The following SORCS3 variants were observed in gnomAD, a reference collection of about 807,000 sequenced individuals.
SORCS3 encodes the protein sortilin related VPS10 domain containing receptor 3, also known as VPS10 domain-containing receptor SorCS3.
A neutral mutation model predicts 146.3 loss-of-function variants in SORCS3; 57 were observed. The ratio of observed to expected loss-of-function variants is 0.39; its 90% CI spans 0.31 to 0.49. The LOEUF is 0.49. Ranked by LOEUF, SORCS3 falls within the 20% of genes least tolerant of loss-of-function variation. SORCS3 has a pLI of 0.92. For missense variants in SORCS3, 1,341 were observed against 1,575.5 expected, an observed-to-expected ratio of 0.85 and a Z score of 2.52; for synonymous variants, 653 against 618.5, an observed-to-expected ratio of 1.06 and a Z score of -0.83.
chr10:105,009,523 CAAACAAAAAAA>C (rs768812603), intron 4 of SORCS3, among the ~76,000 whole-genome samples: 15 of 48,998 alleles, frequency 3.1e-4, no homozygotes, highest in African/African-American at 8.8e-4. Context: ...AACAAACAAA[CAAACAAAAAAA>C]AAAAAAAAAA....
rs2056140566 is a variant in SORCS3, at chr10:105,147,635, A to G, written c.1321A>G (p.Thr441Ala). The change falls in exon 9 of 27, where the codon ACA becomes GCA. Residue 441 changes from threonine to alanine, a missense_variant. Thr to Ala is a moderately conservative substitution (Grantham distance 58). Transcript: ENST00000369701. ...SLPKDMHIIS[T>A]DENQVFAAVQ... ...CTTTCAGGACATGCACATCATCAGT[A>G]CAGACGAGAACCAAGTATTTGCTGC... The G allele has an allele frequency of 6.2e-7, 1 of 1,612,548 alleles. No homozygotes were observed. Among genetic ancestry groups the G allele is most frequent in the Non-Finnish European group, 8.5e-7 (1 of 1,178,962 alleles).
chr10:104,643,707 A>AGGGG (rs374440023), intron 1 of SORCS3, among the ~76,000 whole-genome samples: 3 of 119,396 alleles, frequency 2.5e-5, no homozygotes, highest in South Asian at 2.6e-4. Context: ...TTTGATAATT[A>AGGGG]GGGTGTGTGT....
At chr10:104,724,875 G>A (rs569451081) in intron 1 of SORCS3, among the ~76,000 whole-genome samples, 15 of 152,042 alleles carry the variant, frequency 9.9e-5, no homozygotes, top group African/African-American at 1.7e-4. Flanking sequence ...TTAGCCATTC[G>A]TCTAATTTTT....
chr10:104,684,566 C>T (rs1190471119), intron 1 of SORCS3, among the ~76,000 whole-genome samples: 2 of 152,138 alleles, frequency 1.3e-5, no homozygotes, highest in African/African-American at 4.8e-5. Flanking sequence ...GTTTGTGGCT[C>T]CTCAGTGGAC....
chr10:105,146,781 T>C (rs2056134066), intron 8 of SORCS3, among the ~76,000 whole-genome samples: 1 of 152,118 alleles, frequency 6.6e-6, no homozygotes, highest in Non-Finnish European at 1.5e-5. Flanking sequence ...GGAATAATCA[T>C]ACCACCTCCC....
chr10:105,010,298 G>T (rs1242261297), intron 4 of SORCS3, among the ~76,000 whole-genome samples: 2 of 152,170 alleles, frequency 1.3e-5, no homozygotes, highest in African/African-American at 4.8e-5. Flanking sequence ...TACTACTTTT[G>T]CAAACCCTCT....
intron 16 of SORCS3, among the ~76,000 whole-genome samples, chr10:105,210,893 C>G (rs935892825): frequency 6.6e-6 from 1 of 152,140 alleles, no homozygotes; most frequent in African/African-American, 2.4e-5. Context: ...CTTTTTAAAC[C>G]TAGAATTTCT....
chr10:104,825,302 C>A (rs1428515376), intron 1 of SORCS3, among the ~76,000 whole-genome samples: 6 of 152,196 alleles, frequency 3.9e-5, no homozygotes, highest in Admixed American at 6.5e-5. Flanking sequence ...AGGGCGTGAT[C>A]TTGGCTAACT....
At chr10:104,923,866 A>AT (rs2019112306) in intron 3 of SORCS3, among the ~76,000 whole-genome samples, 2 of 152,236 alleles carry the variant, frequency 1.3e-5, no homozygotes, top group Admixed American at 1.3e-4. Flanking sequence ...ACAAGTGTCT[A>AT]TGATAATAAT....
At chr10:105,042,925 A>T in intron 4 of SORCS3, 130 bp from the exon 5 acceptor site, 1 of 731,492 alleles carries the variant, frequency 1.4e-6, no homozygotes, top group Non-Finnish European at 2.4e-6. Context: ...CTACCTTTTT[A>T]TCTGGATAAA....
intron 4 of SORCS3, among the ~76,000 whole-genome samples, chr10:105,037,615 T>C (rs79633622): frequency 0.062 from 9,375 of 152,210 alleles, 860 homozygotes; most frequent in African/African-American, 0.2. Context: ...GGATTCCCTG[T>C]CTGCCTGTCT....
intron 1 of SORCS3, among the ~76,000 whole-genome samples, chr10:104,666,940 G>T (rs1431587104): frequency 6.6e-6 from 1 of 152,106 alleles, no homozygotes; most frequent in African/African-American, 2.4e-5. Flanking sequence ...TGGCAGAGCT[G>T]AAAATTATTA....
At chr10:104,909,722 G>A (rs1256807580) in intron 2 of SORCS3, among the ~76,000 whole-genome samples, 1 of 152,052 alleles carries the variant, frequency 6.6e-6, no homozygotes, top group Non-Finnish European at 1.5e-5. Context: ...TTAGGACAGG[G>A]AGGTTGAGCT....
chr10:104,745,098 A>G (rs2016891614), intron 1 of SORCS3, among the ~76,000 whole-genome samples: 2 of 152,224 alleles, frequency 1.3e-5, no homozygotes, highest in Admixed American at 1.3e-4. Context: ...TTGAGGAGCG[A>G]TGTTCCATTT....
At chr10:104,940,232 ATATATATTTTTTTTTTT>A (rs1382081905) in intron 3 of SORCS3, among the ~76,000 whole-genome samples, 3 of 22,448 alleles carry the variant, frequency 1.3e-4, no homozygotes, top group Admixed American at 1.0e-3. Context: ...ATATATATAT[ATATATATTTTTTTTTTT>A]TTTTTTATTA....
In SORCS3 at chr10:104,696,566, C is replaced by A. The variant is rs1427359878; in HGVS notation, c.627+54612C>A. Among the ~76,000 whole-genome samples, 4 of 9,140 alleles carry A rather than the reference C, an allele frequency of 4.4e-4. 1 individual carries two copies. Among genetic ancestry groups the A allele is most frequent in the East Asian group, 6.3e-3 (1 of 158 alleles). The allele number at this position is 9,140 out of a possible 152,430, so 6.0% of individuals were successfully genotyped here. A position where few individuals can be genotyped will look rare whatever the true frequency, so the allele number is the denominator to read the frequency against. ...TATATAATATAGAATATATAATATA[C>A]GTATATAATATATAATATATATTAT... On this transcript the variant is annotated intron_variant, in intron 1 of 26. Coordinates refer to ENST00000369701, the MANE Select transcript of SORCS3 (RefSeq NM_014978.3).
intron 14 of SORCS3, among the ~76,000 whole-genome samples, chr10:105,187,039 A>G (rs1390698222): frequency 6.6e-6 from 1 of 152,128 alleles, no homozygotes; most frequent in African/African-American, 2.4e-5. Flanking sequence ...TCTCACCCAC[A>G]GTTATGGACC....
chr10:105,080,657 T>A (rs1229002567), intron 5 of SORCS3, among the ~76,000 whole-genome samples: 2 of 152,032 alleles, frequency 1.3e-5, no homozygotes, highest in African/African-American at 4.8e-5. Flanking sequence ...CTTCCAGGAT[T>A]TTTTTTTATA....
chr10:104,714,275 T>C (rs1399694379), intron 1 of SORCS3, among the ~76,000 whole-genome samples: 1 of 152,112 alleles, frequency 6.6e-6, no homozygotes, highest in Non-Finnish European at 1.5e-5. Context: ...ATTTTTCTTC[T>C]TTCTTTTTTT....
Sources: allele counts gnomAD v4.1 joint callset (sites outside exome capture counted in the v4.1 genomes callset), GRCh38; gene constraint gnomAD v4.1.1; transcripts MANE v1.5; gene names NCBI Gene and HGNC (gene_info 2026-07-23, HGNC 2026-07-21).